The following MACROD2 variants were observed in gnomAD, a reference collection of about 807,000 sequenced individuals.
MACROD2 encodes the protein mono-ADP ribosylhydrolase 2.
In MACROD2, 36 loss-of-function variants were observed where a neutral mutation model predicts 70.4. That is an observed-to-expected ratio of 0.51 (90% confidence interval 0.39 to 0.68). The LOEUF (loss-of-function observed/expected upper bound fraction) is 0.68. Ranked by LOEUF, MACROD2 falls within the 30% of genes least tolerant of loss-of-function variation. MACROD2 has a pLI of 0.00. For missense variants in MACROD2, 496 were observed against 538.4 expected (o/e 0.92, Z 0.78); for synonymous variants, 172 against 178.8 (o/e 0.96, Z 0.30).
intron 5 of MACROD2, among the ~76,000 whole-genome samples, chr20:15,073,811 G>A (rs1196146658): frequency 1.3e-5 from 2 of 152,106 alleles, no homozygotes; most frequent in African/African-American, 4.8e-5. Context: ...AAATAACTAA[G>A]AAGCTTCTTT....
At chr20:15,780,300 C>T (rs915615862) in intron 8 of MACROD2, among the ~76,000 whole-genome samples, 2 of 152,032 alleles carry the variant, frequency 1.3e-5, no homozygotes, top group African/African-American at 2.4e-5. Context: ...AGAGAATAGA[C>T]TAAGAATGGC....
At chr20:15,978,462 C>T (rs2066343226) in intron 13 of MACROD2, among the ~76,000 whole-genome samples, 2 of 152,280 alleles carry the variant, frequency 1.3e-5, no homozygotes, top group South Asian at 4.1e-4. Context: ...AGTTAACCGA[C>T]AAAGAACCCC....
intron 5 of MACROD2, among the ~76,000 whole-genome samples, chr20:15,159,946 G>A (rs1349245220): frequency 6.6e-6 from 1 of 151,994 alleles, no homozygotes. Flanking sequence ...GGTATTTCAG[G>A]AAAATAAAAT....
intron 5 of MACROD2, among the ~76,000 whole-genome samples, chr20:14,808,517 C>T (rs2122164969): frequency 6.6e-6 from 1 of 152,120 alleles, no homozygotes; most frequent in South Asian, 2.1e-4. Flanking sequence ...TATGAAGAAA[C>T]TGCATAAACT....
At chr20:14,135,953 C>G (rs558496966) in intron 3 of MACROD2, among the ~76,000 whole-genome samples, 1 of 152,004 alleles carries the variant, frequency 6.6e-6, no homozygotes, top group Non-Finnish European at 1.5e-5. Flanking sequence ...TCCATGCTCA[C>G]CATTTCAATT....
chr20:14,463,766 G>T (rs1198711542), intron 3 of MACROD2, among the ~76,000 whole-genome samples: 2 of 151,990 alleles, frequency 1.3e-5, no homozygotes, highest in Admixed American at 6.6e-5. Context: ...TTTGTCAAAG[G>T]CCTTTTCTGC....
At chr20:14,731,680 G>T (rs1932946) in intron 5 of MACROD2, among the ~76,000 whole-genome samples, 21,349 of 152,038 alleles carry the variant, frequency 0.14, 2,004 homozygotes, top group South Asian at 0.37. Flanking sequence ...TTTCGTCCAG[G>T]TTCATGAGGT....
chr20:14,403,023 A>G (rs1600204942), intron 3 of MACROD2, among the ~76,000 whole-genome samples: 1 of 152,190 alleles, frequency 6.6e-6, no homozygotes, highest in African/African-American at 2.4e-5. Flanking sequence ...TTTCATTAAC[A>G]AAGATATTAT....
chr20:14,468,120 T>C (rs538322305), intron 3 of MACROD2, among the ~76,000 whole-genome samples: 1 of 152,148 alleles, frequency 6.6e-6, no homozygotes, highest in African/African-American at 2.4e-5. Flanking sequence ...TAGATGCCTA[T>C]TAGGTCTGCT....
chr20:15,187,131 T>A lies in MACROD2; in HGVS notation c.419-42809T>A, dbSNP rs529345411. Among the ~76,000 whole-genome samples the A allele has an allele frequency of 4.9e-4, 74 of 152,322 alleles. 1 individual carries two copies. The Middle Eastern group carries it at 0.014, about 28-fold the overall frequency. On this transcript the variant is annotated intron_variant, in intron 5 of 17. Coordinates refer to ENST00000684519, the MANE Select transcript of MACROD2 (RefSeq NM_001351661.2). ...CACTGCTTCAGATCTCACTGGCACA[T>A]AAGCTAGTTTTAGGAGGCTGCTTTG...
chr20:15,925,403 T>C (rs938209611), intron 10 of MACROD2, among the ~76,000 whole-genome samples: 2 of 152,226 alleles, frequency 1.3e-5, no homozygotes, highest in Non-Finnish European at 2.9e-5. Context: ...TATAAAGTAC[T>C]TGGAAATCCT....
chr20:15,801,487 A>G (rs1363810831), intron 8 of MACROD2, among the ~76,000 whole-genome samples: 1 of 151,916 alleles, frequency 6.6e-6, no homozygotes, highest in Non-Finnish European at 1.5e-5. Context: ...AACATGAAAA[A>G]AAAAAAAGAA....
chr20:15,210,750 G>A (rs1296825745), intron 5 of MACROD2, among the ~76,000 whole-genome samples: 3 of 152,010 alleles, frequency 2.0e-5, no homozygotes, highest in Admixed American at 6.6e-5. Flanking sequence ...GTTTAAAAGT[G>A]TGTAGCACCT....
chr20:15,679,764 C>T (rs2050135048), intron 8 of MACROD2, among the ~76,000 whole-genome samples: 1 of 152,122 alleles, frequency 6.6e-6, no homozygotes, highest in South Asian at 2.1e-4. Flanking sequence ...ATTGGGGCTC[C>T]AGACAGATGA....
At chr20:15,622,116 G>A (rs941697845) in intron 8 of MACROD2, among the ~76,000 whole-genome samples, 2 of 152,154 alleles carry the variant, frequency 1.3e-5, no homozygotes, top group Non-Finnish European at 2.9e-5. Flanking sequence ...GTCTTGAACG[G>A]AACAGTTGTT....
intron 5 of MACROD2, among the ~76,000 whole-genome samples, chr20:15,121,427 C>T (rs1050150282): frequency 6.7e-6 from 1 of 149,548 alleles, no homozygotes; most frequent in African/African-American, 2.5e-5. Flanking sequence ...AGAGGAGAAT[C>T]GCTTGAACCC....
chr20:15,545,113 T>G (rs1465512749), intron 8 of MACROD2, among the ~76,000 whole-genome samples: 1 of 152,224 alleles, frequency 6.6e-6, no homozygotes, highest in Non-Finnish European at 1.5e-5. Flanking sequence ...GGGATGGAAG[T>G]AGACAATTCA....
intron 6 of MACROD2, among the ~76,000 whole-genome samples, chr20:15,363,231 T>C (rs2078373388): frequency 1.3e-5 from 2 of 152,212 alleles, no homozygotes; most frequent in Admixed American, 1.3e-4. Flanking sequence ...ATCTGCTTAC[T>C]TAGTGGTGAC....
At chr20:15,351,343 A>C (rs1485448053) in intron 6 of MACROD2, among the ~76,000 whole-genome samples, 2 of 152,290 alleles carry the variant, frequency 1.3e-5, no homozygotes, top group East Asian at 3.9e-4. Flanking sequence ...ATTGTGTGAA[A>C]ATTAGTTACC....
Sources: gnomAD v4.1 joint callset for allele counts (sites outside exome capture counted in the v4.1 genomes callset) on GRCh38, gnomAD v4.1.1 for gene constraint, MANE v1.5 for transcripts, NCBI Gene and HGNC (gene_info 2026-07-23, HGNC 2026-07-21) for gene names.